Variants in FYB1 observed in about 807,000 individuals in gnomAD.
FYB1 encodes the protein FYN binding protein 1, also known as FYN-binding protein 1.
FYB1 carries 41 observed loss-of-function variants against 94.1 expected under a neutral mutation model. The observed-to-expected ratio is 0.44, with a 90% CI of 0.34 to 0.57. The LOEUF is 0.57. Among genes scored for constraint, FYB1 ranks in the 20% least tolerant of loss-of-function variants. The pLI is 0.02. For missense variants in FYB1, 1,050 were observed against 976.8 expected, an observed-to-expected ratio of 1.07 and a Z score of -1.00; for synonymous variants, 367 against 353.2, an observed-to-expected ratio of 1.04 and a Z score of -0.44.
At chr5:39,145,239 G>A (rs1431077287) in intron 3 of FYB1, among the ~76,000 whole-genome samples, 1 of 152,100 alleles carries the variant, frequency 6.6e-6, no homozygotes, top group Non-Finnish European at 1.5e-5. Context: ...TAAGGGAACT[G>A]GATATGGTTC....
intron 2 of FYB1, 30 bp downstream of exon 2, chr5:39,201,796 T>G (rs1428854711): frequency 6.3e-7 from 1 of 1,582,458 alleles, no homozygotes; most frequent in African/African-American, 1.3e-5. Flanking sequence ...GAGTAAACCA[T>G]ACTGAATAGC....
rs373719480 is a variant in FYB1, at chr5:39,108,398, T to C, written c.2436-136A>G. ...TTTAAGCATAGTATGCATTTATAAG[T>C]AGAAATAAATTTGATATTCATTATC... On this transcript the variant is annotated intron_variant, in intron 17 of 18. Transcript: ENST00000512982. The C allele has an allele frequency of 2.1e-4, 155 of 739,202 alleles. 4 individuals carry two copies. In the East Asian group the frequency reaches 2.9e-3, roughly 14 times the overall value. The allele number at this position is 739,202 out of a possible 1,614,324, so 45.8% of individuals were successfully genotyped here. A position where few individuals can be genotyped will look rare whatever the true frequency, so the allele number is the denominator to read the frequency against.
intron 9 of FYB1, 108 bp downstream of exon 9, chr5:39,134,100 G>A (rs1226041440): frequency 1.4e-6 from 1 of 732,198 alleles, no homozygotes; most frequent in Non-Finnish European, 2.2e-6. Flanking sequence ...TTAGTTTAGT[G>A]ATAGAGAGCA....
chr5:39,202,944 G>C lies in FYB1; in HGVS notation c.17C>G (p.Thr6Arg). 1 of 1,613,860 alleles carries C rather than the reference G, an allele frequency of 6.2e-7. No homozygotes were observed. The change falls in exon 2 of 19, where the codon ACG becomes AGG. Residue 6 changes from threonine to arginine, a missense_variant. Physicochemically the swap from Thr to Arg is moderately conservative, Grantham distance 71. Coordinates refer to ENST00000512982, the MANE Select transcript of FYB1 (RefSeq NM_001465.6). ...GACATCCTCTGTCGGGTTGCCCCCC[G>C]TGTTATATTTCGCCATGAGGGACTT... MAKYN[T>R]GGNPTEDVSV...
Position 39,202,175 on chromosome 5 carries a change from C to T in FYB1, c.786G>A (p.Val262=). The change falls in exon 2 of 19, where the codon GTG becomes GTA. Residue 262 remains valine (V), a synonymous_variant. Transcript: ENST00000512982. ...GEISSLPFPG[V]VLKPAASRGG... is the part of the protein sequence containing the mutation. Reference sequence around the variant, plus strand: ...CCCTGCTCGCAGCAGGTTTCAAAACCACTCCAGGAAAGGGCAAACTTGAAA... The same window carrying T: ...CCCTGCTCGCAGCAGGTTTCAAAACTACTCCAGGAAAGGGCAAACTTGAAA... 1 of 1,613,998 alleles carries T rather than the reference C, an allele frequency of 6.2e-7. No individual in the cohort carries two copies. Among genetic ancestry groups the T allele is most frequent in the Non-Finnish European group, 8.5e-7 (1 of 1,179,888 alleles).
At chr5:39,190,977 A>G (rs554455088) in intron 2 of FYB1, among the ~76,000 whole-genome samples, 1 of 152,348 alleles carries the variant, frequency 6.6e-6, no homozygotes, top group South Asian at 2.1e-4. Context: ...GAAGAGAAAT[A>G]GGAAGTACTG....
Position 39,108,331 on chromosome 5 carries a change from G to A in FYB1, c.2436-69C>T, listed in dbSNP as rs994384941. 2.1e-5 allele frequency: 27 copies of A among 1,306,196 alleles called. 2 individuals carry two copies. The Middle Eastern group carries it at 7.5e-4, about 36-fold the overall frequency. The allele number at this position is 1,306,196 out of a possible 1,614,324, so 80.9% of individuals were successfully genotyped here. Reference sequence around the variant, plus strand: ...CTTGGCATTAGAGCAATATATAGAAGAATAGAGTAACAGTATAATTTTATA... The same window carrying A: ...CTTGGCATTAGAGCAATATATAGAAAAATAGAGTAACAGTATAATTTTATA... On this transcript the variant is annotated intron_variant, in intron 17 of 18. Transcript: ENST00000512982.
chr5:39,135,131 T>G, intron 7 of FYB1, 117 bp from the exon 8 acceptor site: 1 of 1,119,868 alleles, frequency 8.9e-7, no homozygotes, highest in Non-Finnish European at 1.3e-6. Context: ...AACCAACATT[T>G]ACAGGGTTTA....
intron 2 of FYB1, among the ~76,000 whole-genome samples, chr5:39,167,162 C>A (rs773788260): frequency 6.6e-6 from 1 of 152,046 alleles, no homozygotes; most frequent in Non-Finnish European, 1.5e-5. Context: ...ATAAAAGCCA[C>A]AAAGAAGTAG....
intron 17 of FYB1, among the ~76,000 whole-genome samples, chr5:39,109,490 T>G (rs1738857197): frequency 6.6e-6 from 1 of 152,018 alleles, no homozygotes; most frequent in African/African-American, 2.4e-5. Flanking sequence ...CTATTGAAAG[T>G]CTCTTGCCTC....
chr5:39,158,284 G>C (rs1298143209), intron 2 of FYB1, among the ~76,000 whole-genome samples: 1 of 152,238 alleles, frequency 6.6e-6, no homozygotes, highest in Non-Finnish European at 1.5e-5. Context: ...GGAATGGGCG[G>C]AGCACCGGGG....
chr5:39,255,121 A>G lies in FYB1; in HGVS notation c.-28+19282T>C, dbSNP rs1239465601. Among the ~76,000 whole-genome samples the G allele has an allele frequency of 2.0e-5, 3 of 152,162 alleles. No homozygotes were observed. The East Asian group carries it at 5.8e-4, about 29-fold the overall frequency. On this transcript the variant is annotated intron_variant, in intron 1 of 1. Coordinates refer to the FYB1 transcript ENST00000510188. ...ACATGCATCTCATTTTTACAAGAGGAGAAAATCATGGAGCTATTTACATTT... is the reference window on the plus strand; with the variant it reads ...ACATGCATCTCATTTTTACAAGAGGGGAAAATCATGGAGCTATTTACATTT...
At chr5:39,123,961 G>A (rs1740376894) in intron 13 of FYB1, among the ~76,000 whole-genome samples, 1 of 152,134 alleles carries the variant, frequency 6.6e-6, no homozygotes, top group Non-Finnish European at 1.5e-5. Flanking sequence ...GGACTGAATT[G>A]AGGCTGGGGG....
At chr5:39,180,791 CT>C (rs1230891814) in intron 2 of FYB1, among the ~76,000 whole-genome samples, 1 of 152,070 alleles carries the variant, frequency 6.6e-6, no homozygotes, top group Non-Finnish European at 1.5e-5. Context: ...AGCTTCTACC[CT>C]ATTTATATTA....
chr5:39,150,151 G>T (rs1349275096), intron 3 of FYB1, among the ~76,000 whole-genome samples: 1 of 152,046 alleles, frequency 6.6e-6, no homozygotes, highest in African/African-American at 2.4e-5. Context: ...AATCAAAATG[G>T]AGTCACCCAC....
At chr5:39,174,998 G>T (rs969492183) in intron 2 of FYB1, among the ~76,000 whole-genome samples, 1 of 152,168 alleles carries the variant, frequency 6.6e-6, no homozygotes, top group Non-Finnish European at 1.5e-5. Flanking sequence ...TTTTTTAAAA[G>T]TTATGGTTCT....
intron 1 of FYB1, among the ~76,000 whole-genome samples, chr5:39,252,235 T>G (rs1184306471): frequency 6.6e-6 from 1 of 151,672 alleles, no homozygotes; most frequent in Non-Finnish European, 1.5e-5. Context: ...GTGTAATAAT[T>G]CTAAAGATAA....
chr5:39,141,840 C>G (rs957211717), intron 3 of FYB1, among the ~76,000 whole-genome samples: 7 of 151,510 alleles, frequency 4.6e-5, no homozygotes, highest in African/African-American at 1.5e-4. Context: ...CCACTGCACT[C>G]CAGCCTGTGC....
rs748770037 is a variant in FYB1, at chr5:39,118,944, A to G, written c.2331T>C (p.Pro777=). Residue 777 remains proline, a synonymous_variant, in exon 16 of 19, where the codon CCT becomes CCC. Transcript: ENST00000512982. ...KWGTRDLQVK[P]GESLEVIQTT... ...TTTGTATAACTTCTAGAGATTCACC[A>G]GGTTTTACCTGTAGATCTCTGGTTC... 1 of 1,575,556 alleles carries G rather than the reference A, an allele frequency of 6.3e-7. No individual in the cohort carries two copies. Among genetic ancestry groups the G allele is most frequent in the South Asian group, 1.2e-5 (1 of 85,424 alleles).
Sources: gnomAD v4.1 joint callset for allele counts (sites outside exome capture counted in the v4.1 genomes callset) on GRCh38, gnomAD v4.1.1 for gene constraint, MANE v1.5 for transcripts, NCBI Gene and HGNC (gene_info 2026-07-23, HGNC 2026-07-21) for gene names.